The following IMPG1 variants were observed in gnomAD, a reference collection of about 807,000 sequenced individuals.
The protein encoded by IMPG1 is interphotoreceptor matrix proteoglycan 1, also known as interphotoreceptor matrix proteoglycan of 150 kDa.
Under a neutral mutation model 92.0 loss-of-function variants are expected in IMPG1, and 85 were observed. The ratio of observed to expected loss-of-function variants is 0.92; its 90% CI spans 0.78 to 1.11. The LOEUF is 1.11. Ranked by LOEUF, IMPG1 falls within the 50% of genes least tolerant of loss-of-function variation. The pLI is 0.00. For missense variants in IMPG1, 1,022 were observed against 956.0 expected (o/e 1.07, Z -0.91); for synonymous variants, 367 against 334.1 (o/e 1.10, Z -1.08).
At chr6:75,974,384 T>TTTC (rs1310373201) in intron 12 of IMPG1, among the ~76,000 whole-genome samples, 3 of 63,856 alleles carry the variant, frequency 4.7e-5, no homozygotes, top group Non-Finnish European at 1.0e-4. Flanking sequence ...TCTTTCTTTC[T>TTTC]TTCTTTCTTT....
At chr6:76,062,622 T>A (rs1421065409) in intron 1 of IMPG1, among the ~76,000 whole-genome samples, 1 of 152,208 alleles carries the variant, frequency 6.6e-6, no homozygotes, top group Non-Finnish European at 1.5e-5. Flanking sequence ...AAACACCCAA[T>A]CGTTATGCTT....
intron 12 of IMPG1, among the ~76,000 whole-genome samples, chr6:75,973,451 C>G (rs918517255): frequency 3.3e-5 from 5 of 152,102 alleles, no homozygotes; most frequent in African/African-American, 1.2e-4. Context: ...GACTTTGTGT[C>G]AGGAATTTTA....
intron 12 of IMPG1, among the ~76,000 whole-genome samples, chr6:75,966,112 T>G (rs545397583): frequency 6.6e-6 from 1 of 152,214 alleles, no homozygotes; most frequent in Non-Finnish European, 1.5e-5. Context: ...TTAGTCCATC[T>G]TCTTCTCTTT....
chr6:75,941,416 C>T (rs1781834750), intron 14 of IMPG1, among the ~76,000 whole-genome samples: 1 of 152,222 alleles, frequency 6.6e-6, no homozygotes, highest in African/African-American at 2.4e-5. Context: ...ACAGAGACCA[C>T]CTGTGGGTCA....
chr6:76,053,242 G>T (rs1784071572), intron 1 of IMPG1, among the ~76,000 whole-genome samples: 1 of 152,168 alleles, frequency 6.6e-6, no homozygotes. Context: ...CTGAGATTGT[G>T]ATTGTACCTC....
At chr6:76,001,032 TCTAGC>T (rs1782978442) in intron 12 of IMPG1, among the ~76,000 whole-genome samples, 1 of 152,230 alleles carries the variant, frequency 6.6e-6, no homozygotes, top group South Asian at 2.1e-4. Context: ...ACTTCACATT[TCTAGC>T]CTTGGCTTTC....
At chr6:76,009,748 A>T (rs1279162631) in intron 8 of IMPG1, among the ~76,000 whole-genome samples, 1 of 152,252 alleles carries the variant, frequency 6.6e-6, no homozygotes, top group African/African-American at 2.4e-5. Flanking sequence ...TTTACCTTGT[A>T]AAATTTCATC....
intron 12 of IMPG1, among the ~76,000 whole-genome samples, chr6:76,000,052 T>G (rs544429102): frequency 6.6e-6 from 1 of 152,336 alleles, no homozygotes; most frequent in Admixed American, 6.5e-5. Context: ...ACTGTCCTCC[T>G]TATGAGAATT....
chr6:75,931,951 C>T (rs1242042444), intron 14 of IMPG1, among the ~76,000 whole-genome samples: 2 of 152,230 alleles, frequency 1.3e-5, no homozygotes, highest in Non-Finnish European at 2.9e-5. Flanking sequence ...AGAGAAGCAA[C>T]TGACCGGAGT....
At chr6:76,032,575 C>T (rs1362015991) in intron 4 of IMPG1, among the ~76,000 whole-genome samples, 1 of 152,074 alleles carries the variant, frequency 6.6e-6, no homozygotes, top group Non-Finnish European at 1.5e-5. Context: ...GGAGTTTATA[C>T]TCCTACAGGA....
At chr6:76,065,508 A>G (rs927342246) in intron 1 of IMPG1, among the ~76,000 whole-genome samples, 5 of 152,174 alleles carry the variant, frequency 3.3e-5, no homozygotes, top group African/African-American at 1.2e-4. Context: ...TTGAAGGCAG[A>G]TTTTTGAATT....
chr6:76,018,808 G>A lies in IMPG1; in HGVS notation c.717C>T (p.Ser239=), dbSNP rs748433324. The A allele has an allele frequency of 1.4e-5, 23 of 1,611,864 alleles. No homozygotes were observed. The highest frequency in any genetic ancestry group is 2.2e-5 in the East Asian group (1 of 44,746). ...TGAACTTCTGGTTTACCAGAGAGAC[G>A]CTGAGCTCCACCCTCTGCTCCTCCA... is the stretch of plus-strand genomic sequence containing the variant. ...AVLEEQRVEL[S]VSLVNQKFKA... The change falls in exon 7 of 17, where the codon AGC becomes AGT. Residue 239 remains serine (S), a synonymous_variant. Transcript: ENST00000369950.
intron 12 of IMPG1, among the ~76,000 whole-genome samples, chr6:75,974,333 TTC>T (rs1562354331): frequency 2.2e-5 from 1 of 45,922 alleles, no homozygotes; most frequent in South Asian, 7.5e-4. Context: ...TTCTTTCCCT[TTC>T]TTTCTTTCTT....
chr6:75,945,708 C>T, intron 14 of IMPG1, among the ~76,000 whole-genome samples: 1 of 152,166 alleles, frequency 6.6e-6, no homozygotes, highest in East Asian at 1.9e-4. Context: ...ACACAAGATT[C>T]AACATTTAGG....
At chr6:75,942,798 A>T (rs953913019) in intron 14 of IMPG1, among the ~76,000 whole-genome samples, 5 of 152,232 alleles carry the variant, frequency 3.3e-5, no homozygotes, top group Admixed American at 3.3e-4. Context: ...ATGATTGAAA[A>T]TCATCTGCAC....
At chr6:75,997,864 T>C (rs896370167) in intron 12 of IMPG1, among the ~76,000 whole-genome samples, 3 of 152,228 alleles carry the variant, frequency 2.0e-5, no homozygotes, top group African/African-American at 4.8e-5. Flanking sequence ...CTGTATTGAA[T>C]TGAAATGTTT....
intron 12 of IMPG1, among the ~76,000 whole-genome samples, chr6:75,994,049 C>T (rs1782858582): frequency 6.6e-6 from 1 of 152,198 alleles, no homozygotes; most frequent in African/African-American, 2.4e-5. Context: ...GCTAGCACTT[C>T]AGCTAGAGTT....
intron 1 of IMPG1, among the ~76,000 whole-genome samples, chr6:76,064,747 CA>C (rs1784278494): frequency 6.6e-6 from 1 of 152,162 alleles, no homozygotes; most frequent in Non-Finnish European, 1.5e-5. Flanking sequence ...TCCTGGTAAA[CA>C]AAGATCAAGC....
intron 12 of IMPG1, among the ~76,000 whole-genome samples, chr6:75,967,812 TGAAA>T (rs918681381): frequency 1.3e-5 from 2 of 152,138 alleles, no homozygotes. Context: ...AAGTTGTAAG[TGAAA>T]GAAAGAGTGG....
Sources: gnomAD v4.1 joint callset for allele counts (sites outside exome capture counted in the v4.1 genomes callset) on GRCh38, gnomAD v4.1.1 for gene constraint, MANE v1.5 for transcripts, NCBI Gene and HGNC (gene_info 2026-07-23, HGNC 2026-07-21) for gene names.